UGT2A2: variants seen among roughly 807,000 people sequenced by gnomAD.
UGT2A2 encodes the protein UDP glucuronosyltransferase family 2 member A2.
In UGT2A2, 60 loss-of-function variants were observed where a neutral mutation model predicts 50.7. The ratio of observed to expected loss-of-function variants is 1.18; its 90% CI spans 0.96 to 1.47. The LOEUF (loss-of-function observed/expected upper bound fraction) is 1.47. Among genes scored for constraint, UGT2A2 ranks in the 40% most tolerant of loss-of-function variants. UGT2A2 has a pLI of 0.00. For missense variants in UGT2A2, 762 were observed against 634.0 expected (o/e 1.20, Z -2.17); for synonymous variants, 242 against 214.6 (o/e 1.13, Z -1.11).
At chr4:69,615,638 A>C (rs2109925874) in intron 1 of UGT2A2, among the ~76,000 whole-genome samples, 1 of 152,176 alleles carries the variant, frequency 6.6e-6, no homozygotes, top group South Asian at 2.1e-4. Flanking sequence ...TCATCAAAGA[A>C]ATGCAAGTAA....
chr4:69,590,848 A>G (rs1718556174), intron 5 of UGT2A2, among the ~76,000 whole-genome samples: 1 of 152,200 alleles, frequency 6.6e-6, no homozygotes, highest in South Asian at 2.1e-4. Flanking sequence ...ATGTTTTATT[A>G]TACACTAATG....
chr4:69,621,515 G>C (rs2109937022), intron 1 of UGT2A2, among the ~76,000 whole-genome samples: 1 of 152,070 alleles, frequency 6.6e-6, no homozygotes, highest in South Asian at 2.1e-4. Flanking sequence ...ATGCTGGCGA[G>C]GTTGCAGAGA....
chr4:69,597,317 A>G (rs1036600023), intron 2 of UGT2A2, among the ~76,000 whole-genome samples: 3 of 152,302 alleles, frequency 2.0e-5, no homozygotes, highest in Admixed American at 6.5e-5. Flanking sequence ...ATAAGCTGCC[A>G]TGAGTGTGAT....
chr4:69,599,283 C>A lies in UGT2A2; in HGVS notation c.854G>T (p.Gly285Val), dbSNP rs1719115274. ...RPYLPNFEFV[G>V]GLHCKPAKPL... ...TTTGGCAGGTTTGCAGTGCAATCCT[C>A]CAACAAACTCAAAATTAGGTAAGTA... The change falls in exon 2 of 6, where the codon GGA (glycine) becomes GTA (valine). Residue 285 changes from glycine to valine, a missense_variant. Gly to Val is a moderately radical substitution (Grantham distance 109). Transcript: ENST00000604629. The A allele has an allele frequency of 6.8e-6, 11 of 1,613,720 alleles. No homozygotes were observed. Among genetic ancestry groups the A allele is most frequent in the Non-Finnish European group, 9.3e-6 (11 of 1,179,868 alleles).
At chr4:69,631,823 G>C (rs1356537833) in intron 1 of UGT2A2, among the ~76,000 whole-genome samples, 2 of 152,048 alleles carry the variant, frequency 1.3e-5, no homozygotes, top group African/African-American at 4.8e-5. Context: ...AATCACAATT[G>C]AGCTAAAAAC....
intron 1 of UGT2A2, among the ~76,000 whole-genome samples, chr4:69,608,456 A>T (rs1719816014): frequency 6.6e-6 from 1 of 151,972 alleles, no homozygotes; most frequent in African/African-American, 2.4e-5. Flanking sequence ...GCGTTGGGAA[A>T]TATACCTAAT....
intron 1 of UGT2A2, among the ~76,000 whole-genome samples, chr4:69,635,485 T>C (rs760400013): frequency 6.6e-6 from 1 of 152,152 alleles, no homozygotes; most frequent in Admixed American, 6.5e-5. Context: ...AATTCTACAG[T>C]GAGAACTATC....
At chr4:69,596,505 C>T in intron 2 of UGT2A2, 124 bp from the exon 3 acceptor site, 4 of 1,283,260 alleles carry the variant, frequency 3.1e-6, no homozygotes, top group Non-Finnish European at 4.0e-6. Flanking sequence ...TGTCTGTCTT[C>T]TGACATGTAG....
chr4:69,625,223 TC>T (rs1214542639), intron 1 of UGT2A2, among the ~76,000 whole-genome samples: 3 of 151,220 alleles, frequency 2.0e-5, no homozygotes, highest in African/African-American at 7.2e-5. Context: ...TTTCAGATTT[TC>T]TTTTTATTAC....
At chr4:69,621,908 A>C (rs1332528594) in intron 1 of UGT2A2, among the ~76,000 whole-genome samples, 1 of 151,922 alleles carries the variant, frequency 6.6e-6, no homozygotes, top group Non-Finnish European at 1.5e-5. Flanking sequence ...ATGCAGACAC[A>C]GAACACCAAA....
At chr4:69,630,985 G>A (rs1721348926) in intron 1 of UGT2A2, among the ~76,000 whole-genome samples, 2 of 152,122 alleles carry the variant, frequency 1.3e-5, no homozygotes, top group South Asian at 2.1e-4. Context: ...TAACTTGAAT[G>A]TGATCTCTGT....
intron 1 of UGT2A2, among the ~76,000 whole-genome samples, chr4:69,607,804 A>C (rs956255287): frequency 3.3e-5 from 5 of 152,214 alleles, no homozygotes; most frequent in Non-Finnish European, 7.3e-5. Flanking sequence ...ATGCAGCCAA[A>C]AGACACATGA....
At chr4:69,613,410 T>G (rs1421332007) in intron 1 of UGT2A2, among the ~76,000 whole-genome samples, 1 of 151,960 alleles carries the variant, frequency 6.6e-6, no homozygotes, top group Non-Finnish European at 1.5e-5. Flanking sequence ...AACATTTGAA[T>G]AACTAATGTC....
rs181762346 is a variant in UGT2A2 at position 69,618,512 on chromosome 4, T to C, written c.743-19118A>G. Among the ~76,000 whole-genome samples, 226 of 152,056 alleles carry C rather than the reference T, an allele frequency of 1.5e-3. 4 individuals are homozygous for C. The highest frequency in any genetic ancestry group is 0.013 in the Admixed American group (194 of 15,208). ...GTCTATTTCTGCTGCCAAAAATAAATTTATTTTAACCATGTGGCCGTTGAA... is the reference window on the plus strand; with the variant it reads ...GTCTATTTCTGCTGCCAAAAATAAACTTATTTTAACCATGTGGCCGTTGAA... On this transcript the variant is annotated intron_variant, in intron 1 of 5. Transcript: ENST00000604629.
intron 1 of UGT2A2, among the ~76,000 whole-genome samples, chr4:69,638,096 G>A (rs1721821609): frequency 6.6e-6 from 1 of 152,026 alleles, no homozygotes; most frequent in South Asian, 2.1e-4. Flanking sequence ...AAAGTCAAAA[G>A]GTATGTAAAA....
intron 1 of UGT2A2, among the ~76,000 whole-genome samples, chr4:69,608,040 T>C (rs923139585): frequency 2.0e-5 from 3 of 152,158 alleles, no homozygotes; most frequent in Non-Finnish European, 4.4e-5. Flanking sequence ...GAATTAGAAA[T>C]ACCATTTGAT....
intron 1 of UGT2A2, among the ~76,000 whole-genome samples, chr4:69,633,093 G>A (rs187527854): frequency 6.6e-6 from 1 of 152,188 alleles, no homozygotes; most frequent in East Asian, 1.9e-4. Flanking sequence ...AGAAGTAAGA[G>A]GTAGGAGTTA....
intron 1 of UGT2A2, among the ~76,000 whole-genome samples, chr4:69,635,371 C>T (rs1291778680): frequency 2.0e-5 from 3 of 152,144 alleles, no homozygotes; most frequent in Admixed American, 1.3e-4. Flanking sequence ...AAGACACATG[C>T]AAAATGGAGC....
Position 69,639,302 on chromosome 4 carries a change from T to C in UGT2A2, c.339A>G (p.Ile113Met). Residue 113 changes from isoleucine (I) to methionine (M), a missense_variant, in exon 1 of 6, where the codon ATA (isoleucine) becomes ATG (methionine). Physicochemically the swap from Ile to Met is conservative, Grantham distance 10. Transcript: ENST00000604629. Reference sequence around the variant, plus strand: ...TTCCTAGTTCTTTGTAGAAAGCCCATATTGTGAGAGGAGTTGGTCTATGGT... The same window carrying C: ...TTCCTAGTTCTTTGTAGAAAGCCCACATTGTGAGAGGAGTTGGTCTATGGT... ...WIDHRPTPLT[I>M]WAFYKELGKL... is the part of the protein sequence containing the mutation. 1 of 1,613,730 alleles carries C rather than the reference T, an allele frequency of 6.2e-7. No homozygotes were observed. Among genetic ancestry groups the C allele is most frequent in the Non-Finnish European group, 8.5e-7 (1 of 1,179,732 alleles).
Sources: gnomAD v4.1 joint callset for allele counts (sites outside exome capture counted in the v4.1 genomes callset) on GRCh38, gnomAD v4.1.1 for gene constraint, MANE v1.5 for transcripts, NCBI Gene and HGNC (gene_info 2026-07-23, HGNC 2026-07-21) for gene names.